Variants in TCEA2 observed in about 807,000 individuals in gnomAD.
TCEA2 encodes transcription elongation factor A protein 2.
TCEA2 carries 21 observed loss-of-function variants against 40.8 expected under a neutral mutation model. The ratio of observed to expected loss-of-function variants is 0.51; its 90% CI spans 0.36 to 0.74. The LOEUF (loss-of-function observed/expected upper bound fraction) is 0.74. Among genes scored for constraint, TCEA2 ranks in the 30% least tolerant of loss-of-function variants. The pLI is 0.00. For synonymous variants in TCEA2, 165 were observed against 162.7 expected (o/e 1.01, Z -0.11); for missense variants, 326 against 426.5 (o/e 0.76, Z 2.08).
chr20:64,061,096 CTTTT>C (rs71197441), upstream of TCEA2, among the ~76,000 whole-genome samples: 5 of 60,530 alleles, frequency 8.3e-5, no homozygotes, highest in Non-Finnish European at 1.1e-4. Flanking sequence ...CAGCCTGAGT[CTTTT>C]TTTTTTTTTT....
chr20:64,069,636 T>TG, intron 5 of TCEA2, 129 bp from the exon 6 acceptor site: 1 of 1,526,272 alleles, frequency 6.6e-7, no homozygotes, highest in South Asian at 1.2e-5. Flanking sequence ...GCTAGGGGCC[T>TG]GTGCCTGGAT....
At chr20:64,063,822 G>A (rs1192128306) in intron 1 of TCEA2, 1 of 172,870 alleles carries the variant, frequency 5.8e-6, no homozygotes, top group South Asian at 1.3e-4. Context: ...CCTCCATCCC[G>A]GCCTGGGCAT....
At chr20:64,061,096 C>CTTTTTTTTTT (rs71197441), upstream of TCEA2, among the ~76,000 whole-genome samples, 1 of 60,530 alleles carries the variant, frequency 1.7e-5, no homozygotes, top group Non-Finnish European at 2.9e-5. Flanking sequence ...CAGCCTGAGT[C>CTTTTTTTTTT]TTTTTTTTTT....
At chr20:64,065,192 G>A (rs2059660896) in intron 1 of TCEA2, among the ~76,000 whole-genome samples, 1 of 152,184 alleles carries the variant, frequency 6.6e-6, no homozygotes, top group Non-Finnish European at 1.5e-5. Flanking sequence ...CAGGTGCAGG[G>A]CTTTCAGGGG....
upstream of TCEA2, among the ~76,000 whole-genome samples, chr20:64,058,856 A>G (rs952753519): frequency 2.6e-5 from 4 of 152,172 alleles, no homozygotes; most frequent in Non-Finnish European, 4.4e-5. The surrounding 1 kb of genome is among the most constrained non-coding windows in gnomAD (Gnocchi z 6.7). Flanking sequence ...GGCCTCGTTC[A>G]TAACTGAACG....
At chr20:64,063,464 C>T in intron 1 of TCEA2, 80 bp downstream of exon 1, 1 of 1,460,632 alleles carries the variant, frequency 6.8e-7, no homozygotes, top group Non-Finnish European at 9.3e-7. Context: ...CCGTTAGGGC[C>T]GGAAGACGAC....
At chr20:64,071,667 C>T (rs148800501) in intron 8 of TCEA2, among the ~76,000 whole-genome samples, 1,833 of 152,352 alleles carry the variant, frequency 0.012, 17 homozygotes, top group Non-Finnish European at 0.017. Context: ...CTGCTTCAGG[C>T]TCACACAAGG....
intron 3 of TCEA2, 51 bp from the exon 4 acceptor site, chr20:64,067,996 C>T (rs1259635275): frequency 4.2e-5 from 61 of 1,438,944 alleles, no homozygotes; most frequent in African/African-American, 1.3e-4. Context: ...GGTCTGTGCC[C>T]CTCCCTCCTC....
intron 1 of TCEA2, 117 bp downstream of exon 1, chr20:64,063,501 C>T: frequency 5.0e-6 from 6 of 1,188,804 alleles, no homozygotes; most frequent in Non-Finnish European, 7.1e-6. Flanking sequence ...GACCCCTCCC[C>T]GGCAGAGACT....
At chr20:64,067,722 C>T (rs1388469568) in intron 3 of TCEA2, among the ~76,000 whole-genome samples, 2 of 152,242 alleles carry the variant, frequency 1.3e-5, no homozygotes, top group Non-Finnish European at 2.9e-5. Context: ...CATGCTTGGT[C>T]TCTCTGGCCA....
chr20:64,062,163 G>A (rs771014128), upstream of TCEA2, among the ~76,000 whole-genome samples: 1 of 152,204 alleles, frequency 6.6e-6, no homozygotes, highest in African/African-American at 2.4e-5. Flanking sequence ...CTCATAGTTC[G>A]TTGGCCTGAA....
chr20:64,058,968 A>G (rs2059511846), upstream of TCEA2, among the ~76,000 whole-genome samples: 1 of 152,152 alleles, frequency 6.6e-6, no homozygotes, highest in Non-Finnish European at 1.5e-5. The surrounding 1 kb of genome is among the most constrained non-coding windows in gnomAD (Gnocchi z 6.7). Flanking sequence ...AGGCGGGTGG[A>G]TCACCTGAGG....
At chr20:64,056,764 G>C (rs1426732387), upstream of TCEA2, 1 of 152,272 alleles carries the variant, frequency 6.6e-6, no homozygotes, top group Non-Finnish European at 1.5e-5. Context: ...CCTGGACTCA[G>C]GATGGGGGAG....
chr20:64,072,182 C>T lies in TCEA2; in HGVS notation c.*2C>T. On this transcript the variant is annotated 3_prime_UTR_variant, in exon 10 of 10. Coordinates refer to ENST00000343484, the MANE Select transcript of TCEA2 (RefSeq NM_003195.6). ...CCCCCTTTCTCGCAGTTCTGCTGACCCCTCGTGTAGATGTGCTGCAGCCTT... is the reference window on the plus strand; with the variant it reads ...CCCCCTTTCTCGCAGTTCTGCTGACTCCTCGTGTAGATGTGCTGCAGCCTT... 6 of 1,613,684 alleles carry T rather than the reference C, an allele frequency of 3.7e-6. No homozygotes were observed. The highest frequency in any genetic ancestry group is 5.1e-6 in the Non-Finnish European group (6 of 1,179,810).
At chr20:64,063,515 C>G (rs2059616686) in intron 1 of TCEA2, 131 bp downstream of exon 1, 1 of 1,100,560 alleles carries the variant, frequency 9.1e-7, no homozygotes, top group East Asian at 2.8e-5. Context: ...AGAGACTAAC[C>G]GGGACGCAGG....
chr20:64,061,399 C>G (rs561984915), upstream of TCEA2, among the ~76,000 whole-genome samples: 6 of 151,488 alleles, frequency 4.0e-5, no homozygotes, highest in Non-Finnish European at 2.9e-5. Flanking sequence ...CCTCAGCCTG[C>G]GGAGTAGCTG....
chr20:64,061,332 G>C (rs927406548), upstream of TCEA2, among the ~76,000 whole-genome samples: 1 of 151,378 alleles, frequency 6.6e-6, no homozygotes, highest in African/African-American at 2.4e-5. Context: ...CTGGAGTGCA[G>C]TGGCATGATC....
At chr20:64,071,242 G>A (rs755911709) in intron 8 of TCEA2, among the ~76,000 whole-genome samples, 17 of 152,158 alleles carry the variant, frequency 1.1e-4, no homozygotes, top group Non-Finnish European at 1.6e-4. Context: ...CAGCTACTCA[G>A]GAGGCTGAGG....
chr20:64,058,423 C>T (rs764349468), upstream of TCEA2, among the ~76,000 whole-genome samples: 1 of 152,238 alleles, frequency 6.6e-6, no homozygotes, highest in Admixed American at 6.5e-5. This position sits in a 1 kb window ranked among gnomAD's most constrained non-coding sequence, Gnocchi z 6.7. Flanking sequence ...TCCACTGGGA[C>T]CCACTGAGAC....
Sources: gnomAD v4.1 joint callset for allele counts (sites outside exome capture counted in the v4.1 genomes callset) on GRCh38, gnomAD v4.1.1 for gene constraint, Gnocchi (gnomAD v3.1) non-coding constraint, MANE v1.5 for transcripts, NCBI Gene and HGNC (gene_info 2026-07-23, HGNC 2026-07-21) for gene names.